Variants in KHDC1L observed in about 807,000 individuals in gnomAD.
KHDC1L encodes the protein KH domain containing 1 like.
In KHDC1L, 5 loss-of-function variants were observed where a neutral mutation model predicts 11.2. The ratio of observed to expected loss-of-function variants is 0.45; its 90% CI spans 0.23 to 0.94. The LOEUF (loss-of-function observed/expected upper bound fraction) is 0.94. Among genes scored for constraint, KHDC1L ranks in the 40% least tolerant of loss-of-function variants. The pLI is 0.22. For missense variants in KHDC1L, 168 were observed against 165.8 expected (o/e 1.01, Z -0.07); for synonymous variants, 66 against 62.7 (o/e 1.05, Z -0.25).
At chr6:73,223,903 A>G in intron 2 of KHDC1L, 64 bp from the exon 3 acceptor site, 1 of 1,323,852 alleles carries the variant, frequency 7.6e-7, no homozygotes, top group East Asian at 2.5e-5. Flanking sequence ...TAGTAGGCCC[A>G]GACTCCACCA....
At chr6:73,224,438 A>G in intron 1 of KHDC1L, 90 bp from the exon 2 acceptor site, 2 of 1,119,594 alleles carry the variant, frequency 1.8e-6, no homozygotes, top group Non-Finnish European at 2.5e-6. Flanking sequence ...TGTGTGACTC[A>G]TGAAGGTGGG....
At position 73,224,173 on chromosome 6, in the gene KHDC1L, G is replaced by A. The variant is rs751023935; in HGVS notation, c.288C>T (p.His96=). ...TCGGCCAAGGATACCTACCTCGAGC[G>A]TGACACTTGGAGTCCTGGCTCCCCA... ...HCVGSQDSKC[H]ARGLKMLERV... is the part of the protein sequence containing the mutation. The change falls in exon 2 of 3, where the codon CAC becomes CAT. Residue 96 remains histidine, a synonymous_variant. Transcript: ENST00000370388. 11 of 1,562,436 alleles carry A rather than the reference G, an allele frequency of 7.0e-6. No homozygotes were observed. The highest frequency in any genetic ancestry group is 2.4e-5 in the East Asian group (1 of 42,166).
chr6:73,225,333 A>G lies in KHDC1L; in HGVS notation c.76T>C (p.Phe26Leu), dbSNP rs758280483. ...TCCTCCTGGTCCTCTTCCATGTGGA[A>G]CACCATTGGAGAATGAAAGTTTTCG... Reference protein sequence around the residue: ...LPENFHSPMVFHMEEDQEELI... With the variant: ...LPENFHSPMVLHMEEDQEELI... Residue 26 changes from phenylalanine to leucine, a missense_variant, in exon 1 of 3, where the codon TTC (phenylalanine) becomes CTC (leucine). By Grantham distance (22) the Phe-to-Leu change is conservative. Coordinates refer to ENST00000370388, the MANE Select transcript of KHDC1L (RefSeq NM_001126063.3). 6.2e-7 allele frequency: 1 copy of G among 1,613,924 alleles called. No homozygotes were observed. Among genetic ancestry groups the G allele is most frequent in the Non-Finnish European group, 8.5e-7 (1 of 1,179,972 alleles).
chr6:73,224,502 C>G (rs1327278570), intron 1 of KHDC1L, among the ~76,000 whole-genome samples, 154 bp from the exon 2 acceptor site: 1 of 152,026 alleles, frequency 6.6e-6, no homozygotes, highest in African/African-American at 2.4e-5. Flanking sequence ...CGGCCTAGCG[C>G]AGTGACTCAT....
Position 73,224,258 on chromosome 6 carries a change from C to T in KHDC1L, c.203G>A (p.Arg68His), listed in dbSNP as rs1349393140. The change falls in exon 2 of 3, where the codon CGT becomes CAT. Residue 68 changes from arginine to histidine, a missense_variant. Coordinates refer to ENST00000370388, the MANE Select transcript of KHDC1L (RefSeq NM_001126063.3). Reference protein sequence around the residue: ...ERCFTATGQTRVTVVGPPMAK... With the variant: ...ERCFTATGQTHVTVVGPPMAK... ...CATTGGTGGTCCGACTACAGTCACA[C>T]GTGTCTGGCCTGTAGCTGTGAAACA... The T allele has an allele frequency of 1.3e-6, 2 of 1,591,580 alleles. No homozygotes were observed. Among genetic ancestry groups the T allele is most frequent in the South Asian group, 2.3e-5 (2 of 87,244 alleles).
Position 73,224,314 on chromosome 6 carries a change from C to A in KHDC1L, c.147G>T (p.Leu49=), listed in dbSNP as rs190736560. 2,233 of 1,592,714 alleles carry A rather than the reference C, an allele frequency of 1.4e-3. 4 individuals are homozygous for A. Among genetic ancestry groups the A allele is most frequent in the Admixed American group, 3.8e-3 (216 of 57,038 alleles). The stretch of plus-strand genomic sequence containing the variant: ...CCAGCTGAATAAGGGTGTGGCTGTG[C>A]AGCTCAATGCAGCGAAGGTACGTGT... The part of the protein sequence containing the change: ...LDDTYLRCIE[L]HSHTLIQLER... Residue 49 remains leucine (L), a synonymous_variant, in exon 2 of 3, where the codon CTG becomes CTT. Transcript: ENST00000370388.
intron 1 of KHDC1L, among the ~76,000 whole-genome samples, chr6:73,224,771 C>CAAAAAAAAA (rs3044250): frequency 2.4e-5 from 1 of 41,088 alleles, no homozygotes; most frequent in African/African-American, 1.0e-4. Flanking sequence ...GATTCCATAT[C>CAAAAAAAAA]AAAAAAAAAA....
chr6:73,224,086 C>T (rs1389665019), intron 2 of KHDC1L, 80 bp downstream of exon 2: 3 of 1,430,062 alleles, frequency 2.1e-6, no homozygotes, highest in African/African-American at 1.4e-5. Context: ...GGATTCTTCA[C>T]GAATCCAAGA....
chr6:73,225,486 G>C lies in KHDC1L; in HGVS notation c.-78C>G. ...AAAAGACTTGGAAAAGCGAGGAAGG[G>C]CCTAGGCTCTGTCCTTAAAAAGGGT... On this transcript the variant is annotated 5_prime_UTR_variant, in exon 1 of 3. Transcript: ENST00000370388. The C allele has an allele frequency of 2.9e-6, 3 of 1,045,004 alleles. No individual in the cohort carries two copies. The South Asian group carries it at 4.1e-5, about 14-fold the overall frequency. 64.7% of individuals were successfully genotyped at this position (1,045,004 alleles called of 1,614,324 possible).
intron 1 of KHDC1L, 43 bp downstream of exon 1, chr6:73,225,254 T>G (rs747805187): frequency 5.8e-6 from 9 of 1,562,286 alleles, no homozygotes; most frequent in Middle Eastern, 1.7e-4. Flanking sequence ...AAAATAAAAA[T>G]AAAAAACAGA....
At position 73,223,737 on chromosome 6, in the gene KHDC1L, C is replaced by T. The variant is rs1582538813; in HGVS notation, c.*11G>A. 6.3e-7 allele frequency: 1 copy of T among 1,592,130 alleles called. No homozygotes were observed. The highest frequency in any genetic ancestry group is 8.6e-7 in the Non-Finnish European group (1 of 1,166,778). ...AAGACTTCTCCTCTCATCCCCTCTTCCCAGGGGAGATCAGTCTCCGGTGTA... is the reference window on the plus strand; with the variant it reads ...AAGACTTCTCCTCTCATCCCCTCTTTCCAGGGGAGATCAGTCTCCGGTGTA... On this transcript the variant is annotated 3_prime_UTR_variant, in exon 3 of 3. Coordinates refer to ENST00000370388, the MANE Select transcript of KHDC1L (RefSeq NM_001126063.3).
At chr6:73,224,898 G>A (rs1766333540) in intron 1 of KHDC1L, among the ~76,000 whole-genome samples, 1 of 148,708 alleles carries the variant, frequency 6.7e-6, no homozygotes, top group Non-Finnish European at 1.5e-5. Flanking sequence ...TGGCTAACAC[G>A]GTGAAACCCC....
At position 73,224,402 on chromosome 6, in the gene KHDC1L, T is replaced by C. The variant is rs369884643; in HGVS notation, c.113-54A>G. On this transcript the variant is annotated intron_variant, in intron 1 of 2. Coordinates refer to ENST00000370388, the MANE Select transcript of KHDC1L (RefSeq NM_001126063.3). ...CTGTCAGCCACCAGTCCTTGGGGAG[T>C]GAGGAGGTGGCCTTGAGGGTAGGGA... The C allele has an allele frequency of 4.2e-4, 612 of 1,453,644 alleles. 14 individuals carry two copies. The East Asian group carries it at 0.011, about 25-fold the overall frequency. The allele number at this position is 1,453,644 out of a possible 1,614,324, so 90.0% of individuals were successfully genotyped here. A position where few individuals can be genotyped will look rare whatever the true frequency, so the allele number is the denominator to read the frequency against.
At chr6:73,225,202 C>G in intron 1 of KHDC1L, 95 bp downstream of exon 1, 7 of 1,132,268 alleles carry the variant, frequency 6.2e-6, no homozygotes, top group Non-Finnish European at 7.5e-6. Flanking sequence ...AAAAGGCAGA[C>G]GTTGCAGTGA....
chr6:73,223,919 G>GT, intron 2 of KHDC1L, 80 bp from the exon 3 acceptor site: 2 of 1,232,796 alleles, frequency 1.6e-6, no homozygotes, highest in South Asian at 2.7e-5. Flanking sequence ...CACCAGGAAG[G>GT]TTCCAGAGAG....
At chr6:73,224,930 A>C (rs1766333997) in intron 1 of KHDC1L, among the ~76,000 whole-genome samples, 1 of 149,492 alleles carries the variant, frequency 6.7e-6, no homozygotes, top group Non-Finnish European at 1.5e-5. Context: ...AAATACAAAA[A>C]AAATTAGCCG....
Position 73,224,285 on chromosome 6 carries a change from C to T in KHDC1L, c.176G>A (p.Arg59Lys). 6.3e-7 allele frequency: 1 copy of T among 1,598,608 alleles called. No homozygotes were observed. The highest frequency in any genetic ancestry group is 8.5e-7 in the Non-Finnish European group (1 of 1,171,996). The change falls in exon 2 of 3, where the codon AGG (arginine) becomes AAG (lysine). Residue 59 changes from arginine to lysine, a missense_variant. Arg to Lys is a conservative substitution (Grantham distance 26). Transcript: ENST00000370388. ...TGTCTGGCCTGTAGCTGTGAAACAC[C>T]TCTCCAGCTGAATAAGGGTGTGGCT... is the stretch of plus-strand genomic sequence containing the variant. ...LHSHTLIQLE[R>K]CFTATGQTRV...
chr6:73,224,568 A>T (rs28602980), intron 1 of KHDC1L, among the ~76,000 whole-genome samples: 1 of 152,032 alleles, frequency 6.6e-6, no homozygotes, highest in Admixed American at 6.6e-5. Context: ...TGAGGTCAGG[A>T]GTTCCACACA....
chr6:73,225,026 T>C (rs890236807), intron 1 of KHDC1L, among the ~76,000 whole-genome samples: 7 of 144,292 alleles, frequency 4.9e-5, no homozygotes, highest in African/African-American at 1.6e-4. Context: ...GAGCTTGCAG[T>C]GAGCCGAGAT....
Sources: allele counts gnomAD v4.1 joint callset (sites outside exome capture counted in the v4.1 genomes callset), GRCh38; gene constraint gnomAD v4.1.1; transcripts MANE v1.5; gene names NCBI Gene and HGNC (gene_info 2026-07-23, HGNC 2026-07-21).